Variants in ADAMTSL1 observed in about 807,000 individuals in gnomAD.
ADAMTSL1 encodes ADAMTS like 1, also known as ADAMTS-like protein 1.
A neutral mutation model predicts 201.8 loss-of-function variants in ADAMTSL1; 126 were observed. The observed-to-expected ratio is 0.62, with a 90% CI of 0.54 to 0.72. The LOEUF is 0.72. Among genes scored for constraint, ADAMTSL1 ranks in the 30% least tolerant of loss-of-function variants. The pLI is 0.00. For missense variants in ADAMTSL1, 2,679 were observed against 2,277.8 expected (o/e 1.18, Z -3.59); for synonymous variants, 1,121 against 903.4 (o/e 1.24, Z -4.32).
At chr9:18,776,259 T>C (rs564782751) in intron 18 of ADAMTSL1, among the ~76,000 whole-genome samples, 3 of 152,316 alleles carry the variant, frequency 2.0e-5, no homozygotes, top group African/African-American at 7.2e-5. Flanking sequence ...TATTAATCCC[T>C]AGAGCCGCAA....
chr9:18,816,976 A>G, intron 20 of ADAMTSL1, 133 bp from the exon 21 acceptor site: 1 of 1,191,628 alleles, frequency 8.4e-7, no homozygotes, highest in Non-Finnish European at 1.1e-6. Context: ...GCAATTTTTC[A>G]AGAGAAAACA....
chr9:18,589,232 T>G (rs1823751368), intron 4 of ADAMTSL1, among the ~76,000 whole-genome samples: 1 of 152,136 alleles, frequency 6.6e-6, no homozygotes, highest in South Asian at 2.1e-4. Flanking sequence ...TTCCATTTTT[T>G]TGGTGGCCTC....
intron 10 of ADAMTSL1, among the ~76,000 whole-genome samples, chr9:18,677,473 G>T (rs1307458901): frequency 1.3e-5 from 2 of 151,928 alleles, no homozygotes; most frequent in African/African-American, 4.8e-5. Context: ...AATGTTCATA[G>T]GATATATGTA....
At chr9:18,401,610 A>G (rs1299712170) in intron 2 of ADAMTSL1, among the ~76,000 whole-genome samples, 2 of 152,224 alleles carry the variant, frequency 1.3e-5, no homozygotes. Context: ...GGGTGGTAGA[A>G]TCTGCCACCC....
Position 18,518,304 on chromosome 9 carries a change from C to G in ADAMTSL1, c.191+13348C>G, listed in dbSNP as rs115728346. Reference sequence around the variant, plus strand: ...TTTTCCACCCCGCCCCCCAACCCAGCCTTTCCTCTTTTGGAGTCCCCAGTG... The same window carrying G: ...TTTTCCACCCCGCCCCCCAACCCAGGCTTTCCTCTTTTGGAGTCCCCAGTG... On this transcript the variant is annotated intron_variant, in intron 2 of 28. Coordinates refer to ENST00000380548, the MANE Select transcript of ADAMTSL1 (RefSeq NM_001040272.6). 3.4e-3 allele frequency among the ~76,000 whole-genome samples: 519 copies of G among 152,132 alleles called. 1 individual carries two copies. The highest frequency in any genetic ancestry group is 0.012 in the African/African-American group (488 of 41,514).
At chr9:18,267,769 A>AAAC (rs1554647394) in intron 2 of ADAMTSL1, among the ~76,000 whole-genome samples, 3 of 149,338 alleles carry the variant, frequency 2.0e-5, no homozygotes, top group Non-Finnish European at 4.5e-5. Context: ...TATTAAAAAA[A>AAAC]AAAAACAAAA....
At chr9:18,044,135 T>C (rs1821555019) in intron 1 of ADAMTSL1, among the ~76,000 whole-genome samples, 1 of 150,996 alleles carries the variant, frequency 6.6e-6, no homozygotes, top group African/African-American at 2.4e-5. Context: ...TAAGTCATAT[T>C]TCCTGTAGGG....
At chr9:18,529,808 G>A (rs1564022354) in intron 2 of ADAMTSL1, among the ~76,000 whole-genome samples, 1 of 152,086 alleles carries the variant, frequency 6.6e-6, no homozygotes. Flanking sequence ...ATATATTAAA[G>A]GGAAGATAGT....
chr9:18,723,685 T>G (rs867910716), intron 15 of ADAMTSL1: 10 of 153,890 alleles, frequency 6.5e-5, no homozygotes, highest in African/African-American at 2.4e-4. Flanking sequence ...GTTTCTTGGG[T>G]CGACCATACA....
intron 7 of ADAMTSL1, among the ~76,000 whole-genome samples, chr9:18,656,749 C>T (rs1347116705): frequency 3.3e-5 from 5 of 151,542 alleles, no homozygotes; most frequent in African/African-American, 1.2e-4. Flanking sequence ...AGAAGTAATC[C>T]TCTCAATTGT....
At chr9:18,901,504 T>C (rs779147468) in intron 26 of ADAMTSL1, among the ~76,000 whole-genome samples, 8 of 152,202 alleles carry the variant, frequency 5.3e-5, no homozygotes, top group African/African-American at 1.9e-4. Flanking sequence ...AGCATATAGA[T>C]ATAATTCTCA....
At chr9:18,192,553 A>G (rs1306339567) in intron 2 of ADAMTSL1, among the ~76,000 whole-genome samples, 2 of 152,160 alleles carry the variant, frequency 1.3e-5, no homozygotes, top group Non-Finnish European at 1.5e-5. Context: ...GAAAAAATTA[A>G]TAATATTTTG....
chr9:17,951,132 C>T (rs1827712700), intron 1 of ADAMTSL1, among the ~76,000 whole-genome samples: 2 of 152,140 alleles, frequency 1.3e-5, no homozygotes, highest in South Asian at 4.1e-4. Flanking sequence ...GATAGATGAA[C>T]TCGCCTAGAG....
intron 2 of ADAMTSL1, among the ~76,000 whole-genome samples, chr9:18,315,918 G>A (rs1834373048): frequency 6.6e-6 from 1 of 152,190 alleles, no homozygotes; most frequent in Non-Finnish European, 1.5e-5. Flanking sequence ...TCAGTATCAG[G>A]GAACCTGCCC....
chr9:18,087,321 A>G (rs1014149383), intron 1 of ADAMTSL1, among the ~76,000 whole-genome samples: 12 of 152,122 alleles, frequency 7.9e-5, no homozygotes, highest in Non-Finnish European at 1.5e-4. Flanking sequence ...ATGGAGGAAA[A>G]CAAACTGTTC....
chr9:17,947,658 C>G (rs1018693245), intron 1 of ADAMTSL1, among the ~76,000 whole-genome samples: 2 of 152,052 alleles, frequency 1.3e-5, no homozygotes, highest in Non-Finnish European at 1.5e-5. Flanking sequence ...AATGAGCAAG[C>G]AAATGATTAT....
At chr9:18,170,430 T>G (rs1827838079) in intron 2 of ADAMTSL1, among the ~76,000 whole-genome samples, 1 of 152,012 alleles carries the variant, frequency 6.6e-6, no homozygotes. Context: ...ATAAATATCT[T>G]GGAGAAATAT....
chr9:18,767,252 A>G lies in ADAMTSL1; in HGVS notation c.2218-3350A>G, dbSNP rs564196689. Among the ~76,000 whole-genome samples the G allele has an allele frequency of 5.3e-5, 8 of 152,322 alleles. No individual in the cohort carries two copies. In the South Asian group the frequency reaches 1.7e-3, roughly 32 times the overall value. Reference sequence around the variant, plus strand: ...AGCTTAAAATTAAAATTTTTGATTTATCAGCACAAACTTGTTTCTTTCCAA... The same window carrying G: ...AGCTTAAAATTAAAATTTTTGATTTGTCAGCACAAACTTGTTTCTTTCCAA... On this transcript the variant is annotated intron_variant, in intron 16 of 28. Coordinates refer to ENST00000380548, the MANE Select transcript of ADAMTSL1 (RefSeq NM_001040272.6).
intron 7 of ADAMTSL1, among the ~76,000 whole-genome samples, chr9:18,646,042 G>C (rs1007686113): frequency 6.6e-6 from 1 of 152,044 alleles, no homozygotes; most frequent in Non-Finnish European, 1.5e-5. Flanking sequence ...TCTTCCATTT[G>C]TTTGTATCCT....
Sources: allele counts gnomAD v4.1 joint callset (sites outside exome capture counted in the v4.1 genomes callset), GRCh38; gene constraint gnomAD v4.1.1; transcripts MANE v1.5; gene names NCBI Gene and HGNC (gene_info 2026-07-23, HGNC 2026-07-21).